Variants in GFOD1 observed in about 807,000 individuals in gnomAD.
GFOD1 encodes the protein Gfo/Idh/MocA-like oxidoreductase domain containing 1, also known as glucose-fructose oxidoreductase domain-containing protein 1.
A neutral mutation model predicts 25.4 loss-of-function variants in GFOD1; 9 were observed. That is an observed-to-expected ratio of 0.35 (90% CI 0.21 to 0.62). The LOEUF (loss-of-function observed/expected upper bound fraction) is 0.62, where lower values mean the gene tolerates loss of function less well. GFOD1 is among the 20% of genes least tolerant of loss of function. The pLI is 0.72. For synonymous variants in GFOD1, 253 were observed against 245.6 expected (o/e 1.03, Z -0.28); for missense variants, 403 against 556.9 (o/e 0.72, Z 2.78).
At chr6:13,423,859 G>GC (rs1554202827) in intron 1 of GFOD1, among the ~76,000 whole-genome samples, 1 of 151,856 alleles carries the variant, frequency 6.6e-6, no homozygotes, top group Non-Finnish European at 1.5e-5. Context: ...CTTTTTGTTT[G>GC]TTTTTTTTGT....
At chr6:13,448,833 G>A (rs577955853) in intron 1 of GFOD1, among the ~76,000 whole-genome samples, 6 of 152,306 alleles carry the variant, frequency 3.9e-5, no homozygotes, top group Admixed American at 3.9e-4. Flanking sequence ...GAGATGCTCT[G>A]TTCTTAAAGC....
At chr6:13,435,125 C>A (rs758939651) in intron 1 of GFOD1, among the ~76,000 whole-genome samples, 1 of 152,170 alleles carries the variant, frequency 6.6e-6, no homozygotes, top group Admixed American at 6.5e-5. Context: ...CCTTGAGCTA[C>A]AACTGCCGTC....
intron 1 of GFOD1, among the ~76,000 whole-genome samples, chr6:13,389,620 C>T (rs368831032): frequency 4.1e-4 from 58 of 142,712 alleles, no homozygotes; most frequent in Non-Finnish European, 5.3e-4. Context: ...TTGGGGGGTG[C>T]GGGGTGGGGG....
intron 1 of GFOD1, among the ~76,000 whole-genome samples, chr6:13,401,920 C>T (rs561033203): frequency 2.0e-4 from 31 of 152,306 alleles, no homozygotes; most frequent in Admixed American, 5.9e-4. Flanking sequence ...TACTTTAGCA[C>T]TTCATGATTT....
intron 1 of GFOD1, among the ~76,000 whole-genome samples, chr6:13,447,590 A>T (rs1473615140): frequency 6.6e-6 from 1 of 151,736 alleles, no homozygotes; most frequent in East Asian, 1.9e-4. Flanking sequence ...ATACAAAAAA[A>T]GCTAGCCAGG....
chr6:13,444,533 TA>T (rs1227361279), intron 1 of GFOD1, among the ~76,000 whole-genome samples: 2 of 152,034 alleles, frequency 1.3e-5, no homozygotes, highest in Non-Finnish European at 2.9e-5. Context: ...CTCTAGAGTT[TA>T]AAAAAAATCT....
chr6:13,471,767 T>C (rs1758510607), intron 1 of GFOD1, among the ~76,000 whole-genome samples: 2 of 152,226 alleles, frequency 1.3e-5, no homozygotes, highest in African/African-American at 4.8e-5. Flanking sequence ...TACCCATTGC[T>C]ATATCCATTA....
intron 1 of GFOD1, chr6:13,485,971 T>C (rs1008652487): frequency 9.5e-6 from 9 of 952,176 alleles, no homozygotes; most frequent in African/African-American, 1.8e-5. Flanking sequence ...AACATTCTAA[T>C]ACATCATCAC....
chr6:13,445,437 G>A (rs954986103), intron 1 of GFOD1, among the ~76,000 whole-genome samples: 4 of 152,120 alleles, frequency 2.6e-5, no homozygotes, highest in African/African-American at 7.2e-5. Context: ...CAATCCCACC[G>A]TTTCCCTATC....
intron 1 of GFOD1, among the ~76,000 whole-genome samples, chr6:13,393,364 C>T (rs1448397266): frequency 1.7e-5 from 1 of 58,894 alleles, no homozygotes; most frequent in African/African-American, 5.8e-5. Flanking sequence ...TCAAAAACAA[C>T]CACCAAAAAA....
chr6:13,425,200 T>A (rs1786331271), intron 1 of GFOD1, among the ~76,000 whole-genome samples: 1 of 152,144 alleles, frequency 6.6e-6, no homozygotes, highest in African/African-American at 2.4e-5. Context: ...GCTCAAGGAA[T>A]CCTCCCACCT....
At chr6:13,485,509 T>C (rs1758844690) in intron 1 of GFOD1, among the ~76,000 whole-genome samples, 1 of 152,140 alleles carries the variant, frequency 6.6e-6, no homozygotes, top group African/African-American at 2.4e-5. Flanking sequence ...AACTTCAGCT[T>C]TCAAAGGTGA....
At chr6:13,389,124 G>A (rs1374263988) in intron 1 of GFOD1, among the ~76,000 whole-genome samples, 2 of 152,244 alleles carry the variant, frequency 1.3e-5, no homozygotes, top group African/African-American at 2.4e-5. Context: ...ACAAATGCTG[G>A]AGAAGATGTG....
At chr6:13,457,302 C>T (rs1758206269) in intron 1 of GFOD1, among the ~76,000 whole-genome samples, 1 of 152,138 alleles carries the variant, frequency 6.6e-6, no homozygotes, top group African/African-American at 2.4e-5. Flanking sequence ...CTACAATATC[C>T]CAAACTGTGC....
intron 1 of GFOD1, among the ~76,000 whole-genome samples, chr6:13,370,266 CT>C (rs1257968620): frequency 2.0e-5 from 3 of 152,220 alleles, no homozygotes; most frequent in Non-Finnish European, 4.4e-5. Flanking sequence ...TTACTGAAAG[CT>C]GTGGACTCTC....
rs968158590 is a variant in GFOD1, at chr6:13,487,185, T to C, written c.-295A>G. The C allele has an allele frequency of 2.9e-6, 1 of 344,260 alleles. No homozygotes were observed. Among genetic ancestry groups the C allele is most frequent in the Non-Finnish European group, 5.2e-6 (1 of 191,774 alleles). 21.3% of individuals were successfully genotyped at this position (344,260 alleles called of 1,614,324 possible). A position where few individuals can be genotyped will look rare whatever the true frequency, so the allele number is the denominator to read the frequency against. ...GGGCGCCGGAGGCTTCGAAGCCCCC[T>C]GGAGCCCCGGCTCAGGCTGCGCTCC... On this transcript the variant is annotated 5_prime_UTR_variant, in exon 1 of 2. Coordinates refer to ENST00000379287, the MANE Select transcript of GFOD1 (RefSeq NM_018988.4). The surrounding 1 kb of genome is among the most constrained non-coding windows in gnomAD (Gnocchi z 4.9).
chr6:13,473,655 C>T (rs1758554977), intron 1 of GFOD1, among the ~76,000 whole-genome samples: 1 of 152,256 alleles, frequency 6.6e-6, no homozygotes, highest in South Asian at 2.1e-4. Flanking sequence ...CACAGTTTAT[C>T]TCGCAGAACC....
chr6:13,443,009 T>C (rs1227881974), intron 1 of GFOD1, among the ~76,000 whole-genome samples: 1 of 152,238 alleles, frequency 6.6e-6, no homozygotes, highest in African/African-American at 2.4e-5. Context: ...TTCCCTATTC[T>C]AGAAGCCATT....
intron 1 of GFOD1, among the ~76,000 whole-genome samples, chr6:13,387,065 T>C (rs916401413): frequency 3.3e-5 from 5 of 152,058 alleles, no homozygotes; most frequent in Admixed American, 6.6e-5. Flanking sequence ...TCTGTTTTGA[T>C]AGTTTTTGAA....
Sources: allele counts gnomAD v4.1 joint callset (sites outside exome capture counted in the v4.1 genomes callset), GRCh38; gene constraint gnomAD v4.1.1; non-coding constraint Gnocchi (gnomAD v3.1); transcripts MANE v1.5; gene names NCBI Gene and HGNC (gene_info 2026-07-23, HGNC 2026-07-21).